The following COPG2 variants were observed in gnomAD, a reference collection of about 807,000 sequenced individuals.
COPG2 encodes the protein coat protein complex I subunit gamma 2.
Under a neutral mutation model 46.3 loss-of-function variants are expected in COPG2, and 37 were observed. That is an observed-to-expected ratio of 0.80 (90% CI 0.61 to 1.05). The LOEUF (loss-of-function observed/expected upper bound fraction) is 1.05, where lower values mean the gene tolerates loss of function less well. Ranked by LOEUF, COPG2 falls within the 50% of genes least tolerant of loss-of-function variation. The probability of loss-of-function intolerance (pLI) is 0.00; values close to 1 mark genes in which losing one functional copy is unlikely to be tolerated. For missense variants in COPG2, 427 were observed against 387.8 expected (o/e 1.10, Z -0.85); for synonymous variants, 159 against 129.7 (o/e 1.23, Z -1.53).
intron 20 of COPG2, among the ~76,000 whole-genome samples, chr7:130,518,522 C>G (rs1799697982): frequency 6.6e-6 from 1 of 151,956 alleles, no homozygotes; most frequent in Admixed American, 6.6e-5. Context: ...AAGAGTATAC[C>G]TTGAGAAGAA....
At chr7:130,578,221 C>A (rs1584980913) in intron 9 of COPG2, among the ~76,000 whole-genome samples, 2 of 149,832 alleles carry the variant, frequency 1.3e-5, no homozygotes, top group East Asian at 2.0e-4. Context: ...CTGGGAGGCA[C>A]CCCCCAGCAG....
At chr7:130,647,039 T>A (rs539135053) in intron 5 of COPG2, among the ~76,000 whole-genome samples, 36 of 136,966 alleles carry the variant, frequency 2.6e-4, no homozygotes, top group South Asian at 1.1e-3. Flanking sequence ...ATATATATAT[T>A]TATTTATTTA....
At chr7:130,663,164 T>C in intron 3 of COPG2, 126 bp from the exon 4 acceptor site, 1 of 571,788 alleles carries the variant, frequency 1.7e-6, no homozygotes, top group Admixed American at 3.7e-5. Flanking sequence ...AGAATCTCTT[T>C]GTAAACATTC....
rs552118503 is a variant in COPG2, at chr7:130,507,516, G to C, written c.2387-144C>G. 1.4e-4 allele frequency: 94 copies of C among 676,840 alleles called. No homozygotes were observed. The African/African-American group carries it at 1.5e-3, about 11-fold the overall frequency. 41.9% of individuals were successfully genotyped at this position (676,840 alleles called of 1,614,324 possible). ...GATGTGTAGAGGGAGGCTACTACTG[G>C]ACTAGAAAATGGCTGATCAATTAGA... On this transcript the variant is annotated intron_variant, in intron 22 of 23. Transcript: ENST00000425248.
intron 9 of COPG2, among the ~76,000 whole-genome samples, chr7:130,569,615 T>C (rs972067688): frequency 6.6e-6 from 1 of 152,130 alleles, no homozygotes; most frequent in Non-Finnish European, 1.5e-5. Flanking sequence ...CACAGCTGAA[T>C]TATATCAGAC....
chr7:130,610,710 A>G, intron 9 of COPG2: 5 of 630,802 alleles, frequency 7.9e-6, no homozygotes, highest in East Asian at 6.0e-5. Context: ...ATCAATGCAT[A>G]TATTTTTTGT....
At chr7:130,647,203 G>A (rs185563600) in intron 5 of COPG2, among the ~76,000 whole-genome samples, 8 of 151,840 alleles carry the variant, frequency 5.3e-5, no homozygotes. Flanking sequence ...ACCACATCAA[G>A]CTAATTTTTG....
intron 12 of COPG2, among the ~76,000 whole-genome samples, chr7:130,559,705 C>T (rs1294427791): frequency 2.6e-5 from 4 of 152,106 alleles, no homozygotes; most frequent in Non-Finnish European, 5.9e-5. Flanking sequence ...AACAAATACA[C>T]GTCTTTAGCA....
intron 5 of COPG2, among the ~76,000 whole-genome samples, chr7:130,651,184 T>C (rs9641881): frequency 0.42 from 64,511 of 152,156 alleles, 16,604 homozygotes; most frequent in East Asian, 0.59. Context: ...CTTAGAACTA[T>C]AAATTATATA....
At chr7:130,515,335 T>C (rs1181290528) in intron 20 of COPG2, among the ~76,000 whole-genome samples, 1 of 150,690 alleles carries the variant, frequency 6.6e-6, no homozygotes, top group Admixed American at 6.6e-5. Flanking sequence ...AGATAGAGAG[T>C]GGGAGGAGGT....
At chr7:130,594,638 T>C (rs551327096) in intron 9 of COPG2, among the ~76,000 whole-genome samples, 17 of 152,306 alleles carry the variant, frequency 1.1e-4, no homozygotes, top group African/African-American at 3.8e-4. Context: ...ATCCAACATA[T>C]ACAAAGAACT....
At chr7:130,609,302 G>C (rs1794795086) in intron 9 of COPG2, among the ~76,000 whole-genome samples, 1 of 152,098 alleles carries the variant, frequency 6.6e-6, no homozygotes, top group Non-Finnish European at 1.5e-5. Flanking sequence ...TTGAATCATG[G>C]GGGCAAGTGT....
chr7:130,517,925 T>C (rs2116343064), intron 20 of COPG2, among the ~76,000 whole-genome samples: 1 of 114,860 alleles, frequency 8.7e-6, no homozygotes, highest in South Asian at 2.9e-4. Flanking sequence ...TAAATGTGTG[T>C]TGTTGAAGAT....
In COPG2 at chr7:130,608,710, C is replaced by CT. The variant is rs201781249; in HGVS notation, c.737+2242dup. On this transcript the variant is annotated intron_variant, in intron 9 of 23. Coordinates refer to ENST00000425248, the MANE Select transcript of COPG2 (RefSeq NM_012133.6). ...CCTGAATCTAATGAATCTAATTTGT[C>CT]TTTTTTTTAAAAAAAGGCGACTTTC... Among the ~76,000 whole-genome samples the CT allele has an allele frequency of 3.2e-3, 480 of 151,792 alleles. 2 individuals carry two copies. The highest frequency in any genetic ancestry group is 9.9e-3 in the African/African-American group (410 of 41,396).
chr7:130,563,895 T>C (rs1478368123), intron 10 of COPG2, among the ~76,000 whole-genome samples: 5 of 151,636 alleles, frequency 3.3e-5, no homozygotes, highest in South Asian at 2.1e-4. Flanking sequence ...GGTAGAAATA[T>C]TGACAGTTCT....
intron 3 of COPG2, among the ~76,000 whole-genome samples, chr7:130,664,477 T>A (rs1796035783): frequency 6.6e-6 from 1 of 152,236 alleles, no homozygotes; most frequent in Non-Finnish European, 1.5e-5. Context: ...ACATCCTACT[T>A]TTTTACTTGA....
In COPG2 at chr7:130,662,835, A is replaced by T. The variant is rs1189146944; in HGVS notation, c.243+132T>A. The stretch of plus-strand genomic sequence containing the variant: ...TTTTCACGTCTTATAATGAATATTT[A>T]TAAGTTTTATAAGCAGTTAAATAAT... On this transcript the variant is annotated intron_variant, in intron 4 of 23. Coordinates refer to ENST00000425248, the MANE Select transcript of COPG2 (RefSeq NM_012133.6). The T allele has an allele frequency of 9.3e-6, 6 of 647,076 alleles. No individual in the cohort carries two copies. The East Asian group carries it at 1.1e-4, about 12-fold the overall frequency. 40.1% of individuals were successfully genotyped at this position (647,076 alleles called of 1,614,324 possible).
intron 11 of COPG2, 78 bp from the exon 12 acceptor site, chr7:130,561,299 T>C: frequency 2.5e-6 from 1 of 397,940 alleles, no homozygotes; most frequent in Non-Finnish European, 4.4e-6. Context: ...TTGAGGTAAG[T>C]GGCAATCCAA....
At chr7:130,659,565 T>C (rs1419492751) in intron 4 of COPG2, among the ~76,000 whole-genome samples, 1 of 152,046 alleles carries the variant, frequency 6.6e-6, no homozygotes, top group Non-Finnish European at 1.5e-5. Context: ...GTAGTGAAAG[T>C]AAATAAAGTA....
Sources: allele counts gnomAD v4.1 joint callset (sites outside exome capture counted in the v4.1 genomes callset), GRCh38; gene constraint gnomAD v4.1.1; transcripts MANE v1.5; gene names NCBI Gene and HGNC (gene_info 2026-07-23, HGNC 2026-07-21).